The following ANKRD6 variants were observed in gnomAD, a reference collection of about 807,000 sequenced individuals.
The protein encoded by ANKRD6 is ankyrin repeat domain-containing protein 6.
In ANKRD6, 56 loss-of-function variants were observed where a neutral mutation model predicts 82.3. The observed-to-expected ratio is 0.68, with a 90% confidence interval of 0.55 to 0.85. The LOEUF is 0.85. Ranked by LOEUF, ANKRD6 falls within the 40% of genes least tolerant of loss-of-function variation. The probability of loss-of-function intolerance (pLI) is 0.00; values close to 1 mark genes in which losing one functional copy is unlikely to be tolerated. For synonymous variants in ANKRD6, 347 were observed against 352.1 expected, an observed-to-expected ratio of 0.99 and a Z score of 0.16; for missense variants, 852 against 907.6, an observed-to-expected ratio of 0.94 and a Z score of 0.79.
chr6:89,600,006 C>T (rs1470804541), intron 3 of ANKRD6, among the ~76,000 whole-genome samples: 1 of 152,042 alleles, frequency 6.6e-6, no homozygotes, highest in Non-Finnish European at 1.5e-5. Context: ...CCAAAAGGTC[C>T]CCCAGAGGAA....
intron 1 of ANKRD6, among the ~76,000 whole-genome samples, chr6:89,555,108 C>T (rs1276415407): frequency 2.9e-5 from 4 of 135,802 alleles, no homozygotes; most frequent in Non-Finnish European, 1.6e-5. Context: ...CTCCCCCCTC[C>T]CCCGCCTCAG....
intron 1 of ANKRD6, chr6:89,560,967 T>C (rs993177242): frequency 6.6e-6 from 1 of 152,220 alleles, no homozygotes; most frequent in African/African-American, 2.4e-5. Flanking sequence ...ATTTGCCAAG[T>C]GATGGGAGTG....
intron 1 of ANKRD6, chr6:89,562,427 C>T (rs1308869108): frequency 6.6e-6 from 1 of 152,244 alleles, no homozygotes; most frequent in Non-Finnish European, 1.5e-5. Flanking sequence ...GATTTCAACC[C>T]TTTCTGCATC....
chr6:89,581,149 T>C (rs1193589288), intron 2 of ANKRD6, among the ~76,000 whole-genome samples: 1 of 152,236 alleles, frequency 6.6e-6, no homozygotes, highest in Non-Finnish European at 1.5e-5. Context: ...CCCCATTTTA[T>C]ACAAATTGTG....
intron 1 of ANKRD6, among the ~76,000 whole-genome samples, chr6:89,459,996 G>A (rs1275719292): frequency 3.3e-5 from 5 of 151,942 alleles, no homozygotes; most frequent in Admixed American, 3.3e-4. Context: ...ATCCTGGAGA[G>A]CATACATTCT....
intron 1 of ANKRD6, among the ~76,000 whole-genome samples, chr6:89,466,112 A>C (rs1774816833): frequency 6.6e-6 from 1 of 152,126 alleles, no homozygotes; most frequent in Non-Finnish European, 1.5e-5. Flanking sequence ...GCTGTTTTAT[A>C]ACTTTGTCCC....
At chr6:89,479,770 G>A (rs1049318065) in intron 1 of ANKRD6, among the ~76,000 whole-genome samples, 2 of 151,432 alleles carry the variant, frequency 1.3e-5, no homozygotes, top group African/African-American at 2.4e-5. Flanking sequence ...TATCCCTCCC[G>A]CCTCCCCTAG....
At chr6:89,499,703 G>A (rs1433237252) in intron 1 of ANKRD6, among the ~76,000 whole-genome samples, 1 of 152,048 alleles carries the variant, frequency 6.6e-6, no homozygotes, top group Non-Finnish European at 1.5e-5. Context: ...GTCTGCTTCC[G>A]TGATTTAGTC....
chr6:89,471,065 A>T (rs902194367), intron 1 of ANKRD6, among the ~76,000 whole-genome samples: 11 of 152,072 alleles, frequency 7.2e-5, no homozygotes, highest in Non-Finnish European at 1.6e-4. Context: ...GCACACACTT[A>T]TGTGTTTTCC....
intron 1 of ANKRD6, chr6:89,562,516 C>T (rs1177076208): frequency 5.3e-5 from 8 of 152,240 alleles, no homozygotes; most frequent in Admixed American, 3.3e-4. Context: ...TCTCTGTCAT[C>T]TGAGCGTCAT....
chr6:89,588,784 T>A (rs1267311711), intron 2 of ANKRD6, among the ~76,000 whole-genome samples: 1 of 152,044 alleles, frequency 6.6e-6, no homozygotes, highest in Non-Finnish European at 1.5e-5. Context: ...GGCAGGTGGA[T>A]CACCTGAGGT....
chr6:89,478,609 C>T (rs1776363692), intron 1 of ANKRD6, among the ~76,000 whole-genome samples: 1 of 150,022 alleles, frequency 6.7e-6, no homozygotes, highest in Non-Finnish European at 1.5e-5. Context: ...TGGTGTGCAC[C>T]TGTAATCCCA....
In ANKRD6 at chr6:89,539,599, A is replaced by G. The variant is rs187980676; in HGVS notation, c.-143-27235A>G. Among the ~76,000 whole-genome samples, 350 of 152,242 alleles carry G rather than the reference A, an allele frequency of 2.3e-3. 1 individual carries two copies. The highest frequency in any genetic ancestry group is 8.2e-3 in the African/African-American group (339 of 41,546). On this transcript the variant is annotated intron_variant, in intron 1 of 15. Coordinates refer to ENST00000339746, the MANE Select transcript of ANKRD6 (RefSeq NM_001242809.2). ...GTACATGAGATGTTTTGATATAGGC[A>G]TGCAATGTGAAATACACACATCATG...
chr6:89,495,333 A>G (rs1038341775), intron 1 of ANKRD6, among the ~76,000 whole-genome samples: 2 of 152,224 alleles, frequency 1.3e-5, no homozygotes, highest in African/African-American at 4.8e-5. Flanking sequence ...CACTGGTCCA[A>G]CTTCAGGACT....
chr6:89,514,382 A>G (rs1167771928), intron 1 of ANKRD6, among the ~76,000 whole-genome samples: 2 of 152,118 alleles, frequency 1.3e-5, no homozygotes, highest in African/African-American at 4.8e-5. Flanking sequence ...CATCTCAAAA[A>G]AAAAAATTTT....
chr6:89,566,206 G>A (rs1301509772), intron 1 of ANKRD6, among the ~76,000 whole-genome samples: 1 of 152,240 alleles, frequency 6.6e-6, no homozygotes, highest in Admixed American at 6.5e-5. Flanking sequence ...TCCCCAAGGT[G>A]GATTGTTTCA....
intron 5 of ANKRD6, 128 bp downstream of exon 5, chr6:89,606,233 C>G (rs930262343): frequency 2.1e-5 from 14 of 674,722 alleles, no homozygotes; most frequent in Middle Eastern, 4.4e-4. Flanking sequence ...CCTGAAGGTC[C>G]ATTCGGCCCA....
intron 1 of ANKRD6, among the ~76,000 whole-genome samples, chr6:89,470,929 C>T (rs1185901486): frequency 2.0e-5 from 3 of 152,072 alleles, no homozygotes; most frequent in African/African-American, 7.2e-5. Flanking sequence ...GGATGTTGTC[C>T]AGTCACCCTA....
chr6:89,625,069 G>A (rs921451331), intron 13 of ANKRD6, among the ~76,000 whole-genome samples: 8 of 152,126 alleles, frequency 5.3e-5, no homozygotes, highest in African/African-American at 1.9e-4. Flanking sequence ...GATCACTTGA[G>A]GTCAGGAGTT....
Sources: allele counts gnomAD v4.1 joint callset (sites outside exome capture counted in the v4.1 genomes callset), GRCh38; gene constraint gnomAD v4.1.1; transcripts MANE v1.5; gene names NCBI Gene and HGNC (gene_info 2026-07-23, HGNC 2026-07-21).